The following GRID1 variants were observed in gnomAD, a reference collection of about 807,000 sequenced individuals.
GRID1 encodes the protein glutamate ionotropic receptor delta type subunit 1.
Under a neutral mutation model 98.0 loss-of-function variants are expected in GRID1, and 28 were observed. The observed-to-expected ratio is 0.29, with a 90% CI of 0.21 to 0.39. GRID1 has a LOEUF of 0.39. GRID1 is among the 10% of genes least tolerant of loss of function. GRID1 has a pLI of 1.00. For synonymous variants in GRID1, 553 were observed against 538.5 expected, an observed-to-expected ratio of 1.03 and a Z score of -0.37; for missense variants, 1,111 against 1,340.5, an observed-to-expected ratio of 0.83 and a Z score of 2.67.
intron 2 of GRID1, among the ~76,000 whole-genome samples, chr10:86,338,783 C>T (rs948791052): frequency 2.0e-5 from 3 of 152,186 alleles, no homozygotes; most frequent in Non-Finnish European, 2.9e-5. Flanking sequence ...ATCTTGAACT[C>T]CTGACCTCAA....
At chr10:86,293,478 T>C (rs1564730999) in intron 2 of GRID1, among the ~76,000 whole-genome samples, 2 of 152,224 alleles carry the variant, frequency 1.3e-5, no homozygotes, top group African/African-American at 4.8e-5. Flanking sequence ...CCATTTGATT[T>C]GATTACTTGG....
chr10:86,093,740 G>A (rs964413383), intron 4 of GRID1, among the ~76,000 whole-genome samples: 11 of 152,074 alleles, frequency 7.2e-5, no homozygotes, highest in African/African-American at 1.7e-4. Context: ...AGGACCAGAC[G>A]GATTCACAGC....
At chr10:85,865,261 G>T (rs945457491) in intron 6 of GRID1, among the ~76,000 whole-genome samples, 1 of 152,172 alleles carries the variant, frequency 6.6e-6, no homozygotes, top group African/African-American at 2.4e-5. Context: ...AGCACTAGGG[G>T]TCACATATTT....
intron 2 of GRID1, among the ~76,000 whole-genome samples, chr10:86,232,608 A>T (rs182175897): frequency 3.0e-4 from 45 of 152,350 alleles, no homozygotes; most frequent in African/African-American, 1.0e-3. Flanking sequence ...TAGTAAAGGG[A>T]AGTAGAGAAA....
At chr10:85,675,620 C>T (rs1430643322) in intron 12 of GRID1, among the ~76,000 whole-genome samples, 2 of 152,356 alleles carry the variant, frequency 1.3e-5, no homozygotes, top group East Asian at 3.9e-4. Context: ...TCGTACCTTT[C>T]TTCCCATCTT....
intron 4 of GRID1, among the ~76,000 whole-genome samples, chr10:86,138,329 T>G (rs1465837560): frequency 6.6e-6 from 1 of 152,196 alleles, no homozygotes; most frequent in African/African-American, 2.4e-5. Context: ...AAATTCACAC[T>G]GATTATTAGC....
chr10:85,726,305 C>T lies in GRID1; in HGVS notation c.1533+1550G>A, dbSNP rs145703935. Among the ~76,000 whole-genome samples, 110 of 151,844 alleles carry T rather than the reference C, an allele frequency of 7.2e-4. 2 individuals are homozygous for T. Among genetic ancestry groups the T allele is most frequent in the African/African-American group, 2.3e-3 (95 of 41,418 alleles). On this transcript the variant is annotated intron_variant, in intron 10 of 15. Coordinates refer to ENST00000327946, the MANE Select transcript of GRID1 (RefSeq NM_017551.3). Reference sequence around the variant, plus strand: ...CAAGAAGAAAGGTAAACTTTTTAAACGGTCTCTGAGAGACATAGCCAAGGA... The same window carrying T: ...CAAGAAGAAAGGTAAACTTTTTAAATGGTCTCTGAGAGACATAGCCAAGGA...
At chr10:86,053,404 C>A (rs1472971912) in intron 4 of GRID1, among the ~76,000 whole-genome samples, 1 of 151,188 alleles carries the variant, frequency 6.6e-6, no homozygotes, top group Non-Finnish European at 1.5e-5. Context: ...GTCACCCAGA[C>A]TAGAGTGCAG....
intron 12 of GRID1, among the ~76,000 whole-genome samples, chr10:85,716,915 C>T (rs974837056): frequency 1.3e-5 from 2 of 151,928 alleles, no homozygotes; most frequent in East Asian, 1.9e-4. Flanking sequence ...CTCATAGAAG[C>T]GGAGAGTTTA....
chr10:86,221,671 G>A (rs1846256321), intron 2 of GRID1, among the ~76,000 whole-genome samples: 1 of 152,226 alleles, frequency 6.6e-6, no homozygotes, highest in Non-Finnish European at 1.5e-5. Context: ...TCCAGGAATG[G>A]CCCGCTCACA....
At chr10:85,633,277 A>G (rs549086282) in intron 13 of GRID1, among the ~76,000 whole-genome samples, 18 of 152,206 alleles carry the variant, frequency 1.2e-4, no homozygotes, top group Admixed American at 8.5e-4. Context: ...AAGACTTGGT[A>G]TTATTATTCT....
intron 2 of GRID1, among the ~76,000 whole-genome samples, chr10:86,333,635 C>T (rs7086366): frequency 0.012 from 1,785 of 152,256 alleles, 37 homozygotes; most frequent in African/African-American, 0.04. Flanking sequence ...CACTGTTGAC[C>T]GGAAGCCTTA....
intron 2 of GRID1, among the ~76,000 whole-genome samples, chr10:86,240,412 G>A (rs931658419): frequency 3.3e-5 from 5 of 152,202 alleles, no homozygotes; most frequent in Non-Finnish European, 5.9e-5. Context: ...ACCATCTGGA[G>A]AATGAGAGTG....
intron 2 of GRID1, among the ~76,000 whole-genome samples, chr10:86,304,962 TG>T (rs910108698): frequency 6.6e-6 from 1 of 152,162 alleles, no homozygotes; most frequent in South Asian, 2.1e-4. Flanking sequence ...TTCTAGGCTA[TG>T]GGGGCCAGTT....
chr10:86,273,999 C>T (rs1224990843), intron 2 of GRID1, among the ~76,000 whole-genome samples: 10 of 152,108 alleles, frequency 6.6e-5, no homozygotes, highest in Non-Finnish European at 1.3e-4. Context: ...TGCCTATGTC[C>T]TGAATGGTAA....
At chr10:85,877,340 G>C (rs1480316511) in intron 5 of GRID1, among the ~76,000 whole-genome samples, 2 of 152,218 alleles carry the variant, frequency 1.3e-5, no homozygotes, top group Admixed American at 6.5e-5. Flanking sequence ...CAGCCTAACT[G>C]GGAGGCACCC....
At chr10:86,246,646 C>A (rs1467192705) in intron 2 of GRID1, among the ~76,000 whole-genome samples, 1 of 152,194 alleles carries the variant, frequency 6.6e-6, no homozygotes, top group Non-Finnish European at 1.5e-5. Context: ...CCACCCTCCA[C>A]CGCCCAGAAC....
chr10:86,247,159 T>TGATG (rs541609592), intron 2 of GRID1, among the ~76,000 whole-genome samples: 121 of 151,030 alleles, frequency 8.0e-4, no homozygotes, highest in African/African-American at 1.5e-3. Flanking sequence ...GATGAGTGGA[T>TGATG]GATGGATGGA....
chr10:86,334,364 C>T (rs1257209289), intron 2 of GRID1, among the ~76,000 whole-genome samples: 4 of 152,110 alleles, frequency 2.6e-5, no homozygotes, highest in East Asian at 1.9e-4. Flanking sequence ...CCTTTGTCTC[C>T]GCATGCACCA....
Sources: gnomAD v4.1 joint callset for allele counts (sites outside exome capture counted in the v4.1 genomes callset) on GRCh38, gnomAD v4.1.1 for gene constraint, MANE v1.5 for transcripts, NCBI Gene and HGNC (gene_info 2026-07-23, HGNC 2026-07-21) for gene names.